PLCXD3: variants seen among roughly 807,000 people sequenced by gnomAD.
PLCXD3 encodes the protein phosphatidylinositol specific phospholipase C X domain containing 3.
A neutral mutation model predicts 25.5 loss-of-function variants in PLCXD3; 19 were observed. That is an observed-to-expected ratio of 0.75 (90% confidence interval 0.52 to 1.09). The LOEUF (loss-of-function observed/expected upper bound fraction) is 1.09, where lower values mean the gene tolerates loss of function less well. Among genes scored for constraint, PLCXD3 ranks in the 50% least tolerant of loss-of-function variants. The pLI is 0.00. For missense variants in PLCXD3, 411 were observed against 388.1 expected (o/e 1.06, Z -0.50); for synonymous variants, 174 against 137.6 (o/e 1.26, Z -1.85).
chr5:41,331,583 G>T (rs992009681), intron 2 of PLCXD3, among the ~76,000 whole-genome samples: 1 of 151,936 alleles, frequency 6.6e-6, no homozygotes, highest in Non-Finnish European at 1.5e-5. Context: ...ACAGAATTGG[G>T]AAAAACTACT....
At chr5:41,361,872 T>C (rs940395765) in intron 2 of PLCXD3, among the ~76,000 whole-genome samples, 1 of 152,200 alleles carries the variant, frequency 6.6e-6, no homozygotes, top group African/African-American at 2.4e-5. Flanking sequence ...ATATACAAAC[T>C]CTTGAATCAT....
At position 41,438,884 on chromosome 5, in the gene PLCXD3, T is replaced by C. The variant is rs116194984; in HGVS notation, c.104-56350A>G. 5.7e-3 allele frequency among the ~76,000 whole-genome samples: 874 copies of C among 152,262 alleles called. 6 individuals carry two copies. Among genetic ancestry groups the C allele is most frequent in the Non-Finnish European group, 8.9e-3 (603 of 68,008 alleles). On this transcript the variant is annotated intron_variant, in intron 1 of 2. Coordinates refer to ENST00000377801, the MANE Select transcript of PLCXD3 (RefSeq NM_001005473.3). ...AAAGCTAAGCGAACAGCCAAACGTTTCTCTCTGTGGAAAAGAGTTAAAGAA... is the reference window on the plus strand; with the variant it reads ...AAAGCTAAGCGAACAGCCAAACGTTCCTCTCTGTGGAAAAGAGTTAAAGAA...
intron 2 of PLCXD3, among the ~76,000 whole-genome samples, chr5:41,323,578 A>G (rs536904084): frequency 6.9e-4 from 105 of 152,354 alleles, no homozygotes; most frequent in Admixed American, 1.5e-3. Flanking sequence ...CTATGATTAG[A>G]TTAGTGATTT....
intron 1 of PLCXD3, among the ~76,000 whole-genome samples, chr5:41,505,418 A>G (rs1437684201): frequency 6.6e-6 from 1 of 151,960 alleles, no homozygotes. Context: ...TTTACTGTTT[A>G]CCTTTGATGT....
At position 41,405,009 on chromosome 5, in the gene PLCXD3, A is replaced by C. The variant is rs572950015; in HGVS notation, c.104-22475T>G. 2.0e-5 allele frequency among the ~76,000 whole-genome samples: 3 copies of C among 152,244 alleles called. No homozygotes were observed. The South Asian group carries it at 6.2e-4, about 32-fold the overall frequency. Reference sequence around the variant, plus strand: ...TTTTGACAACACTATGTGTTAGTACATCATGTTTTCTTGTCCTTGCCTGTT... The same window carrying C: ...TTTTGACAACACTATGTGTTAGTACCTCATGTTTTCTTGTCCTTGCCTGTT... On this transcript the variant is annotated intron_variant, in intron 1 of 2. Transcript: ENST00000377801.
chr5:41,313,699 G>T lies in PLCXD3; in HGVS notation c.884C>A (p.Ala295Asp), dbSNP rs1042533453. The change falls in exon 3 of 3, where the codon GCC becomes GAC. Residue 295 changes from alanine to aspartate, a missense_variant. By Grantham distance (126) the Ala-to-Asp change is moderately radical. Coordinates refer to ENST00000377801, the MANE Select transcript of PLCXD3 (RefSeq NM_001005473.3). ...AAAGTCACCAAGTTCTACAAAATCG[G>T]CAGTGACAATATTGATGCCACTCTC... ...PGESGINIVT[A>D]DFVELGDFIS... 5.6e-6 allele frequency: 9 copies of T among 1,613,630 alleles called. No individual in the cohort carries two copies. The highest frequency in any genetic ancestry group is 7.6e-6 in the Non-Finnish European group (9 of 1,179,808).
chr5:41,382,685 G>T (rs1279289062), intron 1 of PLCXD3, 151 bp from the exon 2 acceptor site: 7 of 582,820 alleles, frequency 1.2e-5, no homozygotes, highest in Non-Finnish European at 2.0e-5. Flanking sequence ...GCCTTAGGAG[G>T]GTCCTTTATA....
At chr5:41,478,040 C>G (rs1306802326) in intron 1 of PLCXD3, among the ~76,000 whole-genome samples, 2 of 152,174 alleles carry the variant, frequency 1.3e-5, no homozygotes, top group Non-Finnish European at 2.9e-5. Context: ...AAATGCCTGA[C>G]AAAGTATAGC....
intron 1 of PLCXD3, among the ~76,000 whole-genome samples, chr5:41,400,023 A>C (rs1315589419): frequency 6.6e-6 from 1 of 152,106 alleles, no homozygotes; most frequent in African/African-American, 2.4e-5. Flanking sequence ...TTAAAAATGG[A>C]CAAAAGAGCT....
chr5:41,322,073 A>G (rs1346479456), intron 2 of PLCXD3, among the ~76,000 whole-genome samples: 1 of 152,228 alleles, frequency 6.6e-6, no homozygotes, highest in Non-Finnish European at 1.5e-5. Flanking sequence ...CCAAACATGG[A>G]CAAATGGGAT....
At chr5:41,326,928 G>T (rs771551670) in intron 2 of PLCXD3, among the ~76,000 whole-genome samples, 1 of 152,150 alleles carries the variant, frequency 6.6e-6, no homozygotes, top group Non-Finnish European at 1.5e-5. Flanking sequence ...CAAAGTTTAA[G>T]AAGCAAAATA....
chr5:41,327,653 A>G (rs1207381371), intron 2 of PLCXD3, among the ~76,000 whole-genome samples: 1 of 152,248 alleles, frequency 6.6e-6, no homozygotes, highest in East Asian at 1.9e-4. Context: ...TGTAATCTGA[A>G]GAGATAATTA....
intron 1 of PLCXD3, among the ~76,000 whole-genome samples, chr5:41,447,863 T>A (rs753363762): frequency 6.6e-6 from 1 of 152,252 alleles, no homozygotes; most frequent in South Asian, 2.1e-4. Context: ...GCAAAGGCCA[T>A]TAACTTGCCA....
intron 2 of PLCXD3, among the ~76,000 whole-genome samples, chr5:41,325,099 A>C (rs912626185): frequency 6.6e-6 from 1 of 152,226 alleles, no homozygotes; most frequent in African/African-American, 2.4e-5. Context: ...GGTTAGGAGA[A>C]CACAAGAGTG....
intron 1 of PLCXD3, among the ~76,000 whole-genome samples, chr5:41,489,333 C>A (rs1199056522): frequency 1.3e-5 from 2 of 152,168 alleles, no homozygotes; most frequent in East Asian, 1.9e-4. Flanking sequence ...GTTACTGTAG[C>A]CTTGTAGTAT....
chr5:41,467,594 T>C (rs1748046963), intron 1 of PLCXD3, among the ~76,000 whole-genome samples: 1 of 152,196 alleles, frequency 6.6e-6, no homozygotes, highest in Admixed American at 6.5e-5. Context: ...TTGTTGCCTA[T>C]GCTTTTGGGG....
chr5:41,416,898 T>G (rs1395585415), intron 1 of PLCXD3, among the ~76,000 whole-genome samples: 1 of 152,050 alleles, frequency 6.6e-6, no homozygotes, highest in Non-Finnish European at 1.5e-5. Context: ...GGTGAAAAGT[T>G]TGCAACCAGG....
chr5:41,374,246 G>A (rs1173694116), intron 2 of PLCXD3, among the ~76,000 whole-genome samples: 1 of 152,082 alleles, frequency 6.6e-6, no homozygotes, highest in Admixed American at 6.6e-5. Context: ...TTGAGCCACA[G>A]ACTATTAAAT....
chr5:41,357,590 T>C (rs1437009882), intron 2 of PLCXD3, among the ~76,000 whole-genome samples: 1 of 152,218 alleles, frequency 6.6e-6, no homozygotes, highest in Non-Finnish European at 1.5e-5. Flanking sequence ...AGTCAACCAG[T>C]GCTTCTCAAA....
Sources: gnomAD v4.1 joint callset for allele counts (sites outside exome capture counted in the v4.1 genomes callset) on GRCh38, gnomAD v4.1.1 for gene constraint, MANE v1.5 for transcripts, NCBI Gene and HGNC (gene_info 2026-07-23, HGNC 2026-07-21) for gene names.